Variants in GALNTL6 observed in about 807,000 individuals in gnomAD.
GALNTL6 encodes polypeptide N-acetylgalactosaminyltransferase like 6.
A neutral mutation model predicts 73.7 loss-of-function variants in GALNTL6; 46 were observed. The ratio of observed to expected loss-of-function variants is 0.62; its 90% CI spans 0.49 to 0.80. The LOEUF is 0.80. GALNTL6 is among the 30% of genes least tolerant of loss of function. The probability of loss-of-function intolerance (pLI) is 0.00; values close to 1 mark genes in which losing one functional copy is unlikely to be tolerated. For missense variants in GALNTL6, 604 were observed against 755.0 expected, an observed-to-expected ratio of 0.80 and a Z score of 2.34; for synonymous variants, 259 against 263.7, an observed-to-expected ratio of 0.98 and a Z score of 0.17.
chr4:172,201,322 T>C (rs988050559), intron 2 of GALNTL6, among the ~76,000 whole-genome samples: 1 of 152,054 alleles, frequency 6.6e-6, no homozygotes, highest in African/African-American at 2.4e-5. Flanking sequence ...TTCCCCTGCC[T>C]CGGCCTCCCA....
chr4:172,453,641 A>AT (rs1325626850), intron 5 of GALNTL6, among the ~76,000 whole-genome samples: 1 of 152,240 alleles, frequency 6.6e-6, no homozygotes, highest in Non-Finnish European at 1.5e-5. Flanking sequence ...ATTTGTCATG[A>AT]GCTGTACAAA....
chr4:172,941,787 G>A (rs867363689), intron 9 of GALNTL6, among the ~76,000 whole-genome samples: 4 of 152,196 alleles, frequency 2.6e-5, no homozygotes, highest in African/African-American at 7.2e-5. Flanking sequence ...TTGCAAAGAC[G>A]AGTAGGGCTG....
intron 5 of GALNTL6, among the ~76,000 whole-genome samples, chr4:172,405,425 A>T (rs867703845): frequency 8.8e-6 from 1 of 114,264 alleles, no homozygotes; most frequent in East Asian, 2.6e-4. Flanking sequence ...ATATATATAT[A>T]TATATATATA....
chr4:172,067,116 T>C (rs1363857262), intron 2 of GALNTL6, among the ~76,000 whole-genome samples: 1 of 151,882 alleles, frequency 6.6e-6, no homozygotes, highest in Non-Finnish European at 1.5e-5. Flanking sequence ...TTATAATTAG[T>C]CTCTTCCTCT....
rs573283953 is a variant in GALNTL6, at chr4:172,621,156, A to T, written c.554-188205A>T. ...GAAATGCAGAATTTCATTTTGGTTT[A>T]TTTCTGAAAAATAAGTGATCCTTCC... On this transcript the variant is annotated intron_variant, in intron 5 of 12. Coordinates refer to ENST00000506823, the MANE Select transcript of GALNTL6 (RefSeq NM_001034845.3). 1.1e-4 allele frequency among the ~76,000 whole-genome samples: 17 copies of T among 152,298 alleles called. No homozygotes were observed. In the East Asian group the frequency reaches 2.9e-3, roughly 26 times the overall value.
chr4:172,862,121 G>A (rs1303640389), intron 7 of GALNTL6, among the ~76,000 whole-genome samples: 1 of 152,204 alleles, frequency 6.6e-6, no homozygotes, highest in East Asian at 1.9e-4. Context: ...TCAGAAGACA[G>A]GAAGATGTGG....
At chr4:172,713,627 TA>T (rs939013999) in intron 5 of GALNTL6, among the ~76,000 whole-genome samples, 3 of 152,148 alleles carry the variant, frequency 2.0e-5, no homozygotes, top group Non-Finnish European at 2.9e-5. Context: ...ATCTTCTTTT[TA>T]TCAGAAAGTA....
chr4:171,905,086 C>T (rs1465842495), intron 2 of GALNTL6, among the ~76,000 whole-genome samples: 1 of 152,150 alleles, frequency 6.6e-6, no homozygotes, highest in Non-Finnish European at 1.5e-5. Context: ...ACTGCATCAA[C>T]TAATGAGCAA....
chr4:172,995,384 A>G (rs1561076198), intron 10 of GALNTL6, among the ~76,000 whole-genome samples: 2 of 152,158 alleles, frequency 1.3e-5, no homozygotes, highest in Non-Finnish European at 2.9e-5. Context: ...CTGGGAGTGG[A>G]AGGGGGCCAC....
Position 172,286,332 on chromosome 4 carries a change from A to G in GALNTL6, c.248-25282A>G, listed in dbSNP as rs938027890. The stretch of plus-strand genomic sequence containing the variant: ...TGAACGAGGTCTTTATCCATGTGTG[A>G]TGATGTTGTGGGAGGAAACAGTGGC... On this transcript the variant is annotated intron_variant, in intron 3 of 12. Coordinates refer to ENST00000506823, the MANE Select transcript of GALNTL6 (RefSeq NM_001034845.3). 3.9e-5 allele frequency among the ~76,000 whole-genome samples: 6 copies of G among 152,116 alleles called. No homozygotes were observed. In the East Asian group the frequency reaches 1.2e-3, roughly 29 times the overall value.
chr4:172,770,190 TG>T (rs944505881), intron 5 of GALNTL6, among the ~76,000 whole-genome samples: 1 of 151,756 alleles, frequency 6.6e-6, no homozygotes, highest in Non-Finnish European at 1.5e-5. Flanking sequence ...CGCTTGAACC[TG>T]GGAGGCGGAG....
intron 5 of GALNTL6, among the ~76,000 whole-genome samples, chr4:172,578,749 T>C (rs1447590315): frequency 6.6e-6 from 1 of 152,232 alleles, no homozygotes; most frequent in Non-Finnish European, 1.5e-5. Context: ...AAACCAGTCT[T>C]CTTACATTCT....
intron 2 of GALNTL6, among the ~76,000 whole-genome samples, chr4:171,852,529 T>TA (rs1735550342): frequency 6.6e-6 from 1 of 151,292 alleles, no homozygotes; most frequent in Non-Finnish European, 1.5e-5. Flanking sequence ...TATATATATA[T>TA]ATATAGCTTT....
At chr4:172,467,859 T>TTTCTTTCC (rs1221806167) in intron 5 of GALNTL6, among the ~76,000 whole-genome samples, 3 of 107,438 alleles carry the variant, frequency 2.8e-5, no homozygotes, top group East Asian at 5.0e-4. Flanking sequence ...TCTTTCTTTC[T>TTTCTTTCC]TTCTTTCCTT....
chr4:172,079,560 TACC>T (rs1731813536), intron 2 of GALNTL6, among the ~76,000 whole-genome samples: 1 of 152,100 alleles, frequency 6.6e-6, no homozygotes. Flanking sequence ...TTTACACTCT[TACC>T]ACAATTTTGC....
chr4:172,547,657 T>G (rs1007091106), intron 5 of GALNTL6, among the ~76,000 whole-genome samples: 11 of 152,204 alleles, frequency 7.2e-5, no homozygotes, highest in African/African-American at 1.9e-4. Context: ...TCTCTAGAAC[T>G]AATGATGTGA....
At chr4:172,269,978 C>T (rs1738584318) in intron 3 of GALNTL6, among the ~76,000 whole-genome samples, 1 of 152,002 alleles carries the variant, frequency 6.6e-6, no homozygotes, top group Admixed American at 6.6e-5. Context: ...TCAAGTAATC[C>T]GCCCACCTCG....
intron 2 of GALNTL6, among the ~76,000 whole-genome samples, chr4:171,899,891 A>T (rs1277340210): frequency 2.0e-5 from 3 of 152,182 alleles, no homozygotes; most frequent in Non-Finnish European, 4.4e-5. Context: ...ACTTGATTAC[A>T]AAAGTCATTC....
chr4:172,129,495 C>T (rs1733396511), intron 2 of GALNTL6, among the ~76,000 whole-genome samples: 1 of 152,100 alleles, frequency 6.6e-6, no homozygotes, highest in Admixed American at 6.5e-5. Context: ...CAAGATCATG[C>T]CCACCATTTA....
Sources: gnomAD v4.1 joint callset for allele counts (sites outside exome capture counted in the v4.1 genomes callset) on GRCh38, gnomAD v4.1.1 for gene constraint, MANE v1.5 for transcripts, NCBI Gene and HGNC (gene_info 2026-07-23, HGNC 2026-07-21) for gene names.